ITPRIP: variants seen among roughly 807,000 people sequenced by gnomAD.
ITPRIP encodes inositol 1,4,5-trisphosphate receptor interacting protein.
A neutral mutation model predicts 35.8 loss-of-function variants in ITPRIP; 32 were observed. The ratio of observed to expected loss-of-function variants is 0.89; its 90% CI spans 0.68 to 1.20. The LOEUF (loss-of-function observed/expected upper bound fraction) is 1.20, where lower values mean the gene tolerates loss of function less well. ITPRIP is among the 50% of genes most tolerant of loss of function. ITPRIP has a pLI of 0.00. For missense variants in ITPRIP, 653 were observed against 735.6 expected (o/e 0.89, Z 1.30); for synonymous variants, 358 against 324.0 (o/e 1.11, Z -1.13).
At chr10:104,331,447 T>C (rs2014147556) in intron 1 of ITPRIP, among the ~76,000 whole-genome samples, 1 of 151,914 alleles carries the variant, frequency 6.6e-6, no homozygotes, top group Non-Finnish European at 1.5e-5. Context: ...AGGGCCAAAA[T>C]AATGACAACA....
intron 1 of ITPRIP, among the ~76,000 whole-genome samples, chr10:104,331,492 G>A (rs1234895600): frequency 1.3e-5 from 2 of 152,068 alleles, no homozygotes; most frequent in East Asian, 1.9e-4. Context: ...AGGAGGGGGC[G>A]AGAGTTGGGG....
chr10:104,322,652 T>C (rs1055740245), intron 1 of ITPRIP, among the ~76,000 whole-genome samples: 1 of 152,106 alleles, frequency 6.6e-6, no homozygotes, highest in Non-Finnish European at 1.5e-5. Flanking sequence ...ATCCTGGAAA[T>C]TGCCAAGGGC....
Position 104,310,171 on chromosome 10 carries a change from C to T in ITPRIP, c.*4237G>A, listed in dbSNP as rs1281978097. ...TCCCGTGAGGTGGAGATGAGACGGACCACGAAAATGTTCTGAATCACAGCC... is the reference window on the plus strand; with the variant it reads ...TCCCGTGAGGTGGAGATGAGACGGATCACGAAAATGTTCTGAATCACAGCC... On this transcript the variant is annotated 3_prime_UTR_variant, in exon 2 of 2. Coordinates refer to ENST00000337478, the MANE Select transcript of ITPRIP (RefSeq NM_001272013.2). The T allele has an allele frequency of 6.6e-6, 1 of 152,172 alleles. No individual in the cohort carries two copies. Among genetic ancestry groups the T allele is most frequent in the Admixed American group, 6.5e-5 (1 of 15,272 alleles). 9.4% of individuals were successfully genotyped at this position (152,172 alleles called of 1,614,324 possible).
chr10:104,335,636 T>C (rs925110599), intron 1 of ITPRIP, among the ~76,000 whole-genome samples: 2 of 152,186 alleles, frequency 1.3e-5, no homozygotes, highest in African/African-American at 4.8e-5. Context: ...GCCAGATGAA[T>C]TTCCCCTCCT....
At chr10:104,331,550 C>A (rs2014150813) in intron 1 of ITPRIP, among the ~76,000 whole-genome samples, 1 of 152,190 alleles carries the variant, frequency 6.6e-6, no homozygotes, top group African/African-American at 2.4e-5. Flanking sequence ...GGAGAGAAAG[C>A]AGTAGCAGCC....
Position 104,314,217 on chromosome 10 carries a change from AT to A in ITPRIP, c.*190del. 7.1e-7 allele frequency: 1 copy of A among 1,408,654 alleles called. No individual in the cohort carries two copies. Among genetic ancestry groups the A allele is most frequent in the Non-Finnish European group, 9.2e-7 (1 of 1,084,760 alleles). The allele number at this position is 1,408,654 out of a possible 1,614,324, so 87.3% of individuals were successfully genotyped here. On this transcript the variant is annotated 3_prime_UTR_variant, in exon 2 of 2. Transcript: ENST00000337478. ...AGCTTTACCAGCAGATCCCAATGGT[AT>A]GAAGCAAACCAGCTTCCCGTTGAAA...
chr10:104,318,899 GA>G (rs1206999803), intron 1 of ITPRIP, among the ~76,000 whole-genome samples: 2 of 152,284 alleles, frequency 1.3e-5, no homozygotes, highest in African/African-American at 4.8e-5. Context: ...GTTTTCTTAT[GA>G]AAGGAACTGC....
Position 104,314,088 on chromosome 10 carries a change from CATTGTCTCTA to C in ITPRIP, c.*310_*319del. The stretch of plus-strand genomic sequence containing the variant: ...AGAATTACACCCAATCCAACATTTG[CATTGTCTCTA>C]ACTCAGGGTCCACAGCGTGTTCTGC... On this transcript the variant is annotated 3_prime_UTR_variant, in exon 2 of 2. Coordinates refer to ENST00000337478, the MANE Select transcript of ITPRIP (RefSeq NM_001272013.2). The C allele has an allele frequency of 8.2e-6, 9 of 1,100,328 alleles. No homozygotes were observed. Among genetic ancestry groups the C allele is most frequent in the Non-Finnish European group, 1.0e-5 (9 of 901,758 alleles). The allele number at this position is 1,100,328 out of a possible 1,614,324, so 68.2% of individuals were successfully genotyped here. A position where few individuals can be genotyped will look rare whatever the true frequency, so the allele number is the denominator to read the frequency against.
At position 104,313,536 on chromosome 10, in the gene ITPRIP, T is replaced by G. The variant is rs1022655043; in HGVS notation, c.*872A>C. The G allele has an allele frequency of 2.0e-6, 2 of 985,422 alleles. No homozygotes were observed. The highest frequency in any genetic ancestry group is 1.2e-6 in the Non-Finnish European group (1 of 830,026). 61.0% of individuals were successfully genotyped at this position (985,422 alleles called of 1,614,324 possible). A position where few individuals can be genotyped will look rare whatever the true frequency, so the allele number is the denominator to read the frequency against. ...TCTTTCTCCAGGTCAGCTTCCACCT[T>G]TAGCATCTGTCCTCCCCCTACCACA... On this transcript the variant is annotated 3_prime_UTR_variant, in exon 2 of 2. Coordinates refer to ENST00000337478, the MANE Select transcript of ITPRIP (RefSeq NM_001272013.2).
intron 1 of ITPRIP, among the ~76,000 whole-genome samples, chr10:104,321,886 T>G (rs1389599707): frequency 6.6e-6 from 1 of 152,030 alleles, no homozygotes; most frequent in African/African-American, 2.4e-5. Flanking sequence ...CTCAAGTTTT[T>G]CCACTGTGCT....
chr10:104,315,768 A>G lies in ITPRIP; in HGVS notation c.284T>C (p.Ile95Thr). 1.2e-6 allele frequency: 2 copies of G among 1,613,922 alleles called. No individual in the cohort carries two copies. Among genetic ancestry groups the G allele is most frequent in the South Asian group, 2.2e-5 (2 of 91,074 alleles). Residue 95 changes from isoleucine (I) to threonine (T), a missense_variant, in exon 2 of 2, where the codon ATC becomes ACC. Physicochemically the swap from Ile to Thr is moderately conservative, Grantham distance 89. Transcript: ENST00000337478. This position sits in a 1 kb window ranked among gnomAD's most constrained non-coding sequence, Gnocchi z 5.7. ...CCACACCTCGATCATCAGGAAGAGG[A>G]TCATGCAGAGGGTGCTCCAGAGGTC... is the stretch of plus-strand genomic sequence containing the variant. ...AWDLWSTLCM[I>T]LFLMIEVWRQ...
rs1208292545 is a variant in ITPRIP, at chr10:104,313,994, G to A, written c.*414C>T. On this transcript the variant is annotated 3_prime_UTR_variant, in exon 2 of 2. Coordinates refer to ENST00000337478, the MANE Select transcript of ITPRIP (RefSeq NM_001272013.2). Reference sequence around the variant, plus strand: ...GAATAGGGGTGCTGGGTCTTAACACGGTTCCCTGTCAGCATTCTTGTAGAT... The same window carrying A: ...GAATAGGGGTGCTGGGTCTTAACACAGTTCCCTGTCAGCATTCTTGTAGAT... The A allele has an allele frequency of 4.0e-6, 4 of 1,003,518 alleles. No individual in the cohort carries two copies. The highest frequency in any genetic ancestry group is 4.8e-6 in the Non-Finnish European group (4 of 840,566). 62.2% of individuals were successfully genotyped at this position (1,003,518 alleles called of 1,614,324 possible).
chr10:104,331,278 T>C (rs529892790), intron 1 of ITPRIP, among the ~76,000 whole-genome samples: 3 of 152,330 alleles, frequency 2.0e-5, no homozygotes, highest in Admixed American at 1.3e-4. Context: ...CCAGGCATGC[T>C]GCACCCCTGC....
At chr10:104,318,554 C>T (rs556593006) in intron 1 of ITPRIP, among the ~76,000 whole-genome samples, 3 of 152,348 alleles carry the variant, frequency 2.0e-5, no homozygotes, top group South Asian at 2.1e-4. Context: ...CCTGTGTCTA[C>T]GCCACACTTC....
At chr10:104,336,892 A>C (rs894796470) in intron 1 of ITPRIP, among the ~76,000 whole-genome samples, 1 of 152,224 alleles carries the variant, frequency 6.6e-6, no homozygotes, top group Non-Finnish European at 1.5e-5. Flanking sequence ...ATAATTTCAC[A>C]TGCTTACTTT....
In ITPRIP at chr10:104,313,843, A is replaced by C. The variant is rs1173063641; in HGVS notation, c.*565T>G. 1 of 985,552 alleles carries C rather than the reference A, an allele frequency of 1.0e-6. No homozygotes were observed. Among genetic ancestry groups the C allele is most frequent in the Non-Finnish European group, 1.2e-6 (1 of 830,150 alleles). The allele number at this position is 985,552 out of a possible 1,614,324, so 61.1% of individuals were successfully genotyped here. ...GAATTTATACAAGGTCTTTTCTCCA[A>C]ATAGTATAAAAAAGTGGCAGCCATG... On this transcript the variant is annotated 3_prime_UTR_variant, in exon 2 of 2. Transcript: ENST00000337478.
chr10:104,329,095 T>A (rs544815660), intron 1 of ITPRIP, among the ~76,000 whole-genome samples: 38 of 151,240 alleles, frequency 2.5e-4, no homozygotes, highest in African/African-American at 8.5e-4. Flanking sequence ...ACACACACTC[T>A]CCCTGCAAAG....
chr10:104,323,999 TG>T, intron 1 of ITPRIP: 1 of 152,760 alleles, frequency 6.5e-6, no homozygotes, highest in Non-Finnish European at 1.5e-5. Flanking sequence ...CGCACGGGGC[TG>T]GGCACACTGC....
chr10:104,337,536 G>C (rs561062837), intron 1 of ITPRIP, among the ~76,000 whole-genome samples: 1 of 152,190 alleles, frequency 6.6e-6, no homozygotes, highest in East Asian at 1.9e-4. Context: ...GTTTTGGATG[G>C]GGAGTCCCGC....
Sources: gnomAD v4.1 joint callset for allele counts (sites outside exome capture counted in the v4.1 genomes callset) on GRCh38, gnomAD v4.1.1 for gene constraint, Gnocchi (gnomAD v3.1) non-coding constraint, MANE v1.5 for transcripts, NCBI Gene and HGNC (gene_info 2026-07-23, HGNC 2026-07-21) for gene names.